Variants in RBFOX1 observed in about 807,000 individuals in gnomAD.
RBFOX1 encodes RNA binding fox-1 homolog 1.
In RBFOX1, 8 loss-of-function variants were observed where a neutral mutation model predicts 57.7. The observed-to-expected ratio is 0.14, with a 90% CI of 0.08 to 0.25. RBFOX1 has a LOEUF of 0.25. Among genes scored for constraint, RBFOX1 ranks in the 10% least tolerant of loss-of-function variants. The probability of loss-of-function intolerance (pLI) is 1.00; values close to 1 mark genes in which losing one functional copy is unlikely to be tolerated. For missense variants in RBFOX1, 611 were observed against 548.5 expected (o/e 1.11, Z -1.14); for synonymous variants, 326 against 222.4 (o/e 1.47, Z -4.15).
chr16:7,520,135 T>G (rs538205662), intron 5 of RBFOX1, among the ~76,000 whole-genome samples: 62 of 149,748 alleles, frequency 4.1e-4, no homozygotes, highest in Non-Finnish European at 8.3e-4. Context: ...TCTGCCTGTC[T>G]CGGCCTCCCA....
intron 4 of RBFOX1, among the ~76,000 whole-genome samples, chr16:7,348,806 G>A (rs971188447): frequency 5.9e-5 from 9 of 152,108 alleles, no homozygotes; most frequent in African/African-American, 1.9e-4. Flanking sequence ...GCCAGGGGTG[G>A]TGGCACGTGC....
At chr16:7,557,342 G>C (rs747830494) in intron 5 of RBFOX1, among the ~76,000 whole-genome samples, 1 of 152,000 alleles carries the variant, frequency 6.6e-6, no homozygotes, top group South Asian at 2.1e-4. Context: ...AAAAACAGCC[G>C]GGTGTGGTGG....
intron 1 of RBFOX1, among the ~76,000 whole-genome samples, chr16:6,064,985 T>G (rs1363403611): frequency 6.6e-6 from 1 of 151,878 alleles, no homozygotes; most frequent in Non-Finnish European, 1.5e-5. Flanking sequence ...AAAACCTCCC[T>G]ACGTGACTGT....
chr16:7,693,416 C>CAT, intron 14 of RBFOX1: 1 of 782,664 alleles, frequency 1.3e-6, no homozygotes, highest in Non-Finnish European at 1.8e-6. Context: ...TCTCAGTATC[C>CAT]TTTTTTTTTT....
chr16:6,891,282 C>T (rs2065349519), intron 3 of RBFOX1, among the ~76,000 whole-genome samples: 1 of 152,170 alleles, frequency 6.6e-6, no homozygotes, highest in Admixed American at 6.5e-5. Context: ...CTTGAAGCAA[C>T]TTAGCAAGGT....
chr16:7,688,356 A>C (rs1261123830), intron 14 of RBFOX1, among the ~76,000 whole-genome samples: 1 of 151,954 alleles, frequency 6.6e-6, no homozygotes, highest in African/African-American at 2.4e-5. Flanking sequence ...TATATTTAAC[A>C]ATAGCAATGT....
chr16:6,482,856 C>T (rs1249582089), intron 2 of RBFOX1, among the ~76,000 whole-genome samples: 1 of 152,178 alleles, frequency 6.6e-6, no homozygotes, highest in East Asian at 1.9e-4. Context: ...CTGAATAATG[C>T]AGGAGTAGCG....
intron 1 of RBFOX1, among the ~76,000 whole-genome samples, chr16:5,407,659 C>T (rs980512777): frequency 6.6e-6 from 1 of 152,168 alleles, no homozygotes; most frequent in South Asian, 2.1e-4. Flanking sequence ...AGCAATTATC[C>T]TGCCTCAGCC....
At chr16:6,155,026 C>G (rs1208895392) in intron 1 of RBFOX1, among the ~76,000 whole-genome samples, 2 of 152,060 alleles carry the variant, frequency 1.3e-5, no homozygotes, top group African/African-American at 4.8e-5. Context: ...TAACAAGGGT[C>G]AATTATATAA....
intron 1 of RBFOX1, among the ~76,000 whole-genome samples, chr16:6,108,256 T>C (rs943346505): frequency 1.4e-4 from 22 of 152,156 alleles, no homozygotes; most frequent in African/African-American, 5.1e-4. Context: ...CAGGGTAGTG[T>C]AGCAGAGTGG....
chr16:6,849,437 G>T (rs2093947149), intron 3 of RBFOX1, among the ~76,000 whole-genome samples: 1 of 152,198 alleles, frequency 6.6e-6, no homozygotes, highest in Admixed American at 6.5e-5. Flanking sequence ...GGAGGCTGAG[G>T]CTGGTAGATC....
chr16:7,141,735 A>G (rs1449297905), intron 4 of RBFOX1, among the ~76,000 whole-genome samples: 1 of 151,892 alleles, frequency 6.6e-6, no homozygotes, highest in African/African-American at 2.4e-5. Flanking sequence ...CATCCTATCC[A>G]CCAGTAAGTT....
At chr16:5,861,375 A>T (rs2057209303) in intron 3 of RBFOX1, among the ~76,000 whole-genome samples, 1 of 152,084 alleles carries the variant, frequency 6.6e-6, no homozygotes, top group African/African-American at 2.4e-5. Flanking sequence ...GTCTCTAAAA[A>T]CCACTACTCA....
chr16:7,583,593 G>A (rs764562222), intron 6 of RBFOX1, among the ~76,000 whole-genome samples: 10 of 152,282 alleles, frequency 6.6e-5, no homozygotes, highest in Middle Eastern at 3.4e-3. Context: ...TGCCTTCACG[G>A]AATTGTCAGA....
At chr16:7,077,146 C>T (rs994466672) in intron 4 of RBFOX1, among the ~76,000 whole-genome samples, 27 of 152,234 alleles carry the variant, frequency 1.8e-4, no homozygotes, top group African/African-American at 6.5e-4. Context: ...AGTTTTAGCT[C>T]TGGGGGAATT....
intron 5 of RBFOX1, among the ~76,000 whole-genome samples, chr16:7,549,880 G>A (rs7501101): frequency 0.96 from 146,906 of 152,276 alleles, 71,184 homozygotes; most frequent in African/African-American, 0.99. Flanking sequence ...GCCTCCTTCA[G>A]TCCAATCACG....
Position 6,275,023 on chromosome 16 carries a change from A to C in RBFOX1, c.-126-41972A>C, listed in dbSNP as rs567878390. 2.6e-5 allele frequency among the ~76,000 whole-genome samples: 4 copies of C among 152,296 alleles called. No homozygotes were observed. The South Asian group carries it at 8.3e-4, about 32-fold the overall frequency. On this transcript the variant is annotated intron_variant, in intron 1 of 15. Coordinates refer to ENST00000550418, the MANE Select transcript of RBFOX1 (RefSeq NM_018723.4). ...CGCTCTTGTCCGGAGAGTGACATGG[A>C]AATATCCAGTCTTGCTTCTACAGAG... is the stretch of plus-strand genomic sequence containing the variant.
chr16:5,337,454 A>G (rs1161912931), intron 1 of RBFOX1, among the ~76,000 whole-genome samples: 1 of 152,068 alleles, frequency 6.6e-6, no homozygotes, highest in East Asian at 1.9e-4. Context: ...CCTCTAAAAT[A>G]TTTTTTTCCT....
intron 3 of RBFOX1, among the ~76,000 whole-genome samples, chr16:5,639,574 T>A (rs1417428976): frequency 6.6e-6 from 1 of 152,144 alleles, no homozygotes; most frequent in African/African-American, 2.4e-5. Context: ...TTTGCCACAC[T>A]CTCCATCACT....
Sources: allele counts gnomAD v4.1 joint callset (sites outside exome capture counted in the v4.1 genomes callset), GRCh38; gene constraint gnomAD v4.1.1; transcripts MANE v1.5; gene names NCBI Gene and HGNC (gene_info 2026-07-23, HGNC 2026-07-21).